Variants in WDR7 observed in about 807,000 individuals in gnomAD.
WDR7 encodes WD repeat-containing protein 7.
WDR7 carries 46 observed loss-of-function variants against 169.4 expected under a neutral mutation model. The ratio of observed to expected loss-of-function variants is 0.27; its 90% CI spans 0.21 to 0.35. The LOEUF is 0.35. Among genes scored for constraint, WDR7 ranks in the 10% least tolerant of loss-of-function variants. The pLI is 1.00. For missense variants in WDR7, 1,534 were observed against 1,859.3 expected, an observed-to-expected ratio of 0.83 and a Z score of 3.22; for synonymous variants, 612 against 666.8, an observed-to-expected ratio of 0.92 and a Z score of 1.27.
intron 5 of WDR7, among the ~76,000 whole-genome samples, chr18:56,685,616 C>A (rs2025428214): frequency 6.6e-6 from 1 of 152,116 alleles, no homozygotes; most frequent in African/African-American, 2.4e-5. Flanking sequence ...AGTGCTTGAG[C>A]TCATCCATGA....
At chr18:56,816,843 G>A (rs1401826759) in intron 20 of WDR7, among the ~76,000 whole-genome samples, 1 of 152,104 alleles carries the variant, frequency 6.6e-6, no homozygotes, top group Non-Finnish European at 1.5e-5. Flanking sequence ...ATAAGCTTTT[G>A]TTTTGGGTGT....
chr18:56,929,680 T>C (rs2046854875), intron 22 of WDR7, among the ~76,000 whole-genome samples: 1 of 152,170 alleles, frequency 6.6e-6, no homozygotes, highest in East Asian at 1.9e-4. Flanking sequence ...TGGTAAAATC[T>C]TATGTGAGGA....
intron 1 of WDR7, among the ~76,000 whole-genome samples, chr18:56,657,886 G>A (rs1322967380): frequency 6.6e-6 from 1 of 151,226 alleles, no homozygotes; most frequent in Non-Finnish European, 1.5e-5. Flanking sequence ...AAATAAAATT[G>A]GATTTTTTTT....
rs756436853 is a variant in WDR7 at position 56,757,371 on chromosome 18, G to A, written c.2759+19G>A. 1.3e-6 allele frequency: 2 copies of A among 1,516,540 alleles called. No homozygotes were observed. Among genetic ancestry groups the A allele is most frequent in the South Asian group, 2.6e-5 (2 of 75,738 alleles). 93.9% of individuals were successfully genotyped at this position (1,516,540 alleles called of 1,614,324 possible). A position where few individuals can be genotyped will look rare whatever the true frequency, so the allele number is the denominator to read the frequency against. On this transcript the variant is annotated intron_variant, in intron 15 of 27. Transcript: ENST00000254442. The stretch of plus-strand genomic sequence containing the variant: ...CTACCAGGTGTGACCATGATAGTTT[G>A]ATTTTATTCTTAAGTTTCAAAAAAA...
intron 19 of WDR7, among the ~76,000 whole-genome samples, chr18:56,808,507 CT>C (rs1310316547): frequency 1.3e-5 from 2 of 152,134 alleles, no homozygotes; most frequent in Admixed American, 6.6e-5. Context: ...GTGTTTATCA[CT>C]ACCATCTAAT....
chr18:57,009,290 T>C (rs2048106585), intron 26 of WDR7, among the ~76,000 whole-genome samples: 1 of 152,232 alleles, frequency 6.6e-6, no homozygotes, highest in African/African-American at 2.4e-5. Flanking sequence ...TAAAATTGTA[T>C]TGGGAAAAGT....
chr18:56,926,130 A>T (rs1159859018), intron 22 of WDR7, among the ~76,000 whole-genome samples: 2 of 152,174 alleles, frequency 1.3e-5, no homozygotes, highest in Non-Finnish European at 2.9e-5. Context: ...GGTAGGCAGG[A>T]TAGTTTTCTG....
intron 25 of WDR7, among the ~76,000 whole-genome samples, chr18:56,958,466 T>A (rs2047288219): frequency 6.6e-6 from 1 of 152,194 alleles, no homozygotes; most frequent in Non-Finnish European, 1.5e-5. Flanking sequence ...AGAGTCATTT[T>A]TTTTCCAGGA....
intron 26 of WDR7, among the ~76,000 whole-genome samples, chr18:56,988,618 T>C (rs1222429224): frequency 6.6e-6 from 1 of 151,574 alleles, no homozygotes; most frequent in Non-Finnish European, 1.5e-5. Flanking sequence ...TGTGTGTGTG[T>C]GTGTGTGTGT....
intron 19 of WDR7, 193 bp downstream of exon 19, chr18:56,781,849 G>A (rs1374836858): frequency 1.9e-6 from 1 of 520,620 alleles, no homozygotes; most frequent in African/African-American, 2.0e-5. Context: ...AAAAACAAAA[G>A]GCAAAGGCTG....
chr18:57,035,396 G>A, the WDR7 span: 1 of 152,402 alleles, frequency 6.6e-6, no homozygotes, highest in Non-Finnish European at 1.5e-5. Flanking sequence ...CTGCCCTGAT[G>A]TTATAAGCTG....
At chr18:56,864,387 G>A (rs2045852366) in intron 20 of WDR7, among the ~76,000 whole-genome samples, 1 of 151,588 alleles carries the variant, frequency 6.6e-6, no homozygotes, top group African/African-American at 2.4e-5. Context: ...AACTGTAAAT[G>A]AGATCATAAG....
At chr18:56,950,229 G>A (rs923624648) in intron 25 of WDR7, among the ~76,000 whole-genome samples, 2 of 152,152 alleles carry the variant, frequency 1.3e-5, no homozygotes, top group African/African-American at 4.8e-5. Flanking sequence ...GTGTACTCAA[G>A]GGTTGAAATT....
At position 56,756,716 on chromosome 18, in the gene WDR7, C is replaced by T. The variant is rs765876375; in HGVS notation, c.2123C>T (p.Ser708Phe). The change falls in exon 15 of 28, where the codon TCT (serine) becomes TTT (phenylalanine). Residue 708 changes from serine (S) to phenylalanine (F), a missense_variant. By Grantham distance (155) the Ser-to-Phe change is radical. Coordinates refer to ENST00000254442, the MANE Select transcript of WDR7 (RefSeq NM_015285.3). ...ATTCAACTCCTGACTGAAGAAGCCT[C>T]TAGGCCGAATACTGCTCTTATTTCC... is the stretch of plus-strand genomic sequence containing the variant. Reference protein sequence around the residue: ...LIIQLLTEEASRPNTALISPE... With the variant: ...LIIQLLTEEAFRPNTALISPE... The T allele has an allele frequency of 1.2e-6, 2 of 1,614,156 alleles. No individual in the cohort carries two copies. The highest frequency in any genetic ancestry group is 1.1e-5 in the South Asian group (1 of 91,088).
chr18:56,731,546 T>C lies in WDR7; in HGVS notation c.1938T>C (p.His646=). 1 of 1,614,136 alleles carries C rather than the reference T, an allele frequency of 6.2e-7. No homozygotes were observed. Among genetic ancestry groups the C allele is most frequent in the Non-Finnish European group, 8.5e-7 (1 of 1,180,006 alleles). ...CTGCTCTTAAAAATATGGCCCATCATAAGCTACAAACCCTTGCAACTAACC... is the reference window on the plus strand; with the variant it reads ...CTGCTCTTAAAAATATGGCCCATCACAAGCTACAAACCCTTGCAACTAACC... ...SLAALKNMAH[H]KLQTLATNLL... The change falls in exon 14 of 28, where the codon CAT becomes CAC. Residue 646 remains histidine (H), a synonymous_variant. Transcript: ENST00000254442.
intron 14 of WDR7, among the ~76,000 whole-genome samples, chr18:56,738,822 T>C (rs1242949723): frequency 1.7e-5 from 2 of 120,626 alleles, no homozygotes; most frequent in Non-Finnish European, 3.5e-5. Context: ...TTTTTTTTTT[T>C]TGCAAAATGT....
At chr18:56,821,736 C>T (rs1352688678) in intron 20 of WDR7, among the ~76,000 whole-genome samples, 15 of 151,364 alleles carry the variant, frequency 9.9e-5, no homozygotes, top group Admixed American at 9.2e-4. Flanking sequence ...GGCTCACACC[C>T]ATAATCCCAG....
chr18:56,657,161 C>CT lies in WDR7; in HGVS notation c.-20+5600dup, dbSNP rs779751073. On this transcript the variant is annotated intron_variant, in intron 1 of 27. Coordinates refer to ENST00000254442, the MANE Select transcript of WDR7 (RefSeq NM_015285.3). ...GTGACAGTTTTTTAATTTGTTGGGACTTTTTTTTTTTTTTTAGATGGAGTC... is the reference window on the plus strand; with the variant it reads ...GTGACAGTTTTTTAATTTGTTGGGACTTTTTTTTTTTTTTTTAGATGGAGTC... 3.3e-3 allele frequency among the ~76,000 whole-genome samples: 454 copies of CT among 136,812 alleles called. 1 individual carries two copies. The highest frequency in any genetic ancestry group is 9.0e-3 in the African/African-American group (338 of 37,430). 89.8% of individuals were successfully genotyped at this position (136,812 alleles called of 152,430 possible). A position where few individuals can be genotyped will look rare whatever the true frequency, so the allele number is the denominator to read the frequency against.
At chr18:56,969,887 A>G (rs943599397) in intron 26 of WDR7, among the ~76,000 whole-genome samples, 9 of 152,160 alleles carry the variant, frequency 5.9e-5, no homozygotes, top group African/African-American at 2.2e-4. Flanking sequence ...CTTTCTTACT[A>G]GAGAAGGCAG....
Sources: gnomAD v4.1 joint callset for allele counts (sites outside exome capture counted in the v4.1 genomes callset) on GRCh38, gnomAD v4.1.1 for gene constraint, MANE v1.5 for transcripts, NCBI Gene and HGNC (gene_info 2026-07-23, HGNC 2026-07-21) for gene names.